PPP1R9A: variants seen among roughly 807,000 people sequenced by gnomAD.
The protein encoded by PPP1R9A is protein phosphatase 1 regulatory subunit 9A, also known as neurabin-1.
Under a neutral mutation model 141.9 loss-of-function variants are expected in PPP1R9A, and 59 were observed. That is an observed-to-expected ratio of 0.42 (90% CI 0.34 to 0.52). The LOEUF (loss-of-function observed/expected upper bound fraction) is 0.52. Among genes scored for constraint, PPP1R9A ranks in the 20% least tolerant of loss-of-function variants. The pLI is 0.10. For synonymous variants in PPP1R9A, 500 were observed against 569.7 expected (o/e 0.88, Z 1.74); for missense variants, 1,444 against 1,611.9 (o/e 0.90, Z 1.78).
intron 4 of PPP1R9A, among the ~76,000 whole-genome samples, chr7:95,137,432 A>G (rs1825868111): frequency 6.6e-6 from 1 of 151,030 alleles, no homozygotes; most frequent in African/African-American, 2.5e-5. Flanking sequence ...AAAAAAAAAA[A>G]AAAAAAGATG....
At chr7:95,143,687 G>A (rs1319692925) in intron 4 of PPP1R9A, among the ~76,000 whole-genome samples, 1 of 152,152 alleles carries the variant, frequency 6.6e-6, no homozygotes, top group Non-Finnish European at 1.5e-5. Context: ...TCTTGGCTTA[G>A]TAGGAGGCTA....
intron 2 of PPP1R9A, among the ~76,000 whole-genome samples, chr7:95,019,365 A>G (rs1009144388): frequency 2.0e-5 from 3 of 152,366 alleles, no homozygotes; most frequent in African/African-American, 7.2e-5. Context: ...CCTGGGCGAT[A>G]GAGCGAGACT....
chr7:95,135,530 A>T (rs1419226390), intron 4 of PPP1R9A, among the ~76,000 whole-genome samples: 1 of 152,232 alleles, frequency 6.6e-6, no homozygotes, highest in East Asian at 1.9e-4. Context: ...TTTGCCCATT[A>T]AGGCAATTAT....
intron 5 of PPP1R9A, among the ~76,000 whole-genome samples, chr7:95,171,993 G>A (rs1832183703): frequency 6.6e-6 from 1 of 151,640 alleles, no homozygotes; most frequent in South Asian, 2.1e-4. Context: ...ATCAACCCAT[G>A]GAATTTTTCT....
intron 8 of PPP1R9A, among the ~76,000 whole-genome samples, chr7:95,228,030 A>G (rs1205561645): frequency 6.6e-6 from 1 of 152,194 alleles, no homozygotes; most frequent in African/African-American, 2.4e-5. Context: ...ATACATGTCC[A>G]AATATTATAT....
At chr7:95,143,598 C>T (rs180816691) in intron 4 of PPP1R9A, among the ~76,000 whole-genome samples, 18 of 152,150 alleles carry the variant, frequency 1.2e-4, no homozygotes, top group African/African-American at 3.9e-4. Flanking sequence ...TTTACCCTAC[C>T]GAGTCAGTAG....
At chr7:94,916,703 TTC>T (rs1464803843) in intron 2 of PPP1R9A, among the ~76,000 whole-genome samples, 5 of 152,140 alleles carry the variant, frequency 3.3e-5, no homozygotes, top group African/African-American at 1.2e-4. Flanking sequence ...GAAATTTCAT[TTC>T]TTTCATTCTT....
chr7:94,987,029 C>T (rs572041454), intron 2 of PPP1R9A, among the ~76,000 whole-genome samples: 3 of 152,154 alleles, frequency 2.0e-5, no homozygotes, highest in Non-Finnish European at 4.4e-5. Flanking sequence ...TAATTGATAA[C>T]ATGAACTATC....
At chr7:94,907,937 G>A (rs1171977869) in intron 1 of PPP1R9A, 6 of 147,746 alleles carry the variant, frequency 4.1e-5, no homozygotes, top group Non-Finnish European at 9.0e-5. Flanking sequence ...CCGCGGGCAG[G>A]GAGCGCCTGG....
intron 4 of PPP1R9A, among the ~76,000 whole-genome samples, chr7:95,134,811 T>A (rs554532439): frequency 2.0e-5 from 3 of 152,238 alleles, no homozygotes; most frequent in Non-Finnish European, 4.4e-5. Context: ...ATTTTTTTTC[T>A]TGGCAAATTT....
chr7:95,130,710 C>T (rs1475829608), intron 4 of PPP1R9A, among the ~76,000 whole-genome samples: 1 of 152,196 alleles, frequency 6.6e-6, no homozygotes, highest in East Asian at 1.9e-4. Flanking sequence ...CCCAAAACCA[C>T]AGGAACCCAC....
chr7:95,160,027 T>A (rs1830236085), intron 4 of PPP1R9A, among the ~76,000 whole-genome samples: 1 of 151,708 alleles, frequency 6.6e-6, no homozygotes, highest in Admixed American at 6.6e-5. Context: ...TGAAAGTTTA[T>A]TATCTGTTTG....
chr7:95,203,224 G>GT (rs1335748713), intron 6 of PPP1R9A, among the ~76,000 whole-genome samples: 1 of 151,870 alleles, frequency 6.6e-6, no homozygotes, highest in Admixed American at 6.6e-5. Context: ...CATGGGTATG[G>GT]TTTTTTATTG....
At chr7:95,030,592 G>A (rs1193442460) in intron 2 of PPP1R9A, among the ~76,000 whole-genome samples, 2 of 152,024 alleles carry the variant, frequency 1.3e-5, no homozygotes, top group Non-Finnish European at 2.9e-5. Flanking sequence ...TTTGGACTGA[G>A]TTTTCCTGTC....
intron 2 of PPP1R9A, among the ~76,000 whole-genome samples, chr7:95,079,450 G>A (rs1815421730): frequency 6.6e-6 from 1 of 151,920 alleles, no homozygotes; most frequent in Non-Finnish European, 1.5e-5. Flanking sequence ...ATAATCAATA[G>A]CTTACCAACC....
chr7:94,971,497 ACT>A (rs1798855843), intron 2 of PPP1R9A, among the ~76,000 whole-genome samples: 1 of 152,054 alleles, frequency 6.6e-6, no homozygotes. Context: ...GTGTAAAATA[ACT>A]CTTAACTCTT....
At position 95,258,737 on chromosome 7, in the gene PPP1R9A, A is replaced by G. The variant is rs183455493; in HGVS notation, c.2665+6607A>G. 2.9e-3 allele frequency among the ~76,000 whole-genome samples: 443 copies of G among 152,352 alleles called. 2 individuals carry two copies. The highest frequency in any genetic ancestry group is 9.9e-3 in the African/African-American group (412 of 41,590). On this transcript the variant is annotated intron_variant, in intron 12 of 19. Coordinates refer to ENST00000433360, the MANE Select transcript of PPP1R9A (RefSeq NM_001166160.2). ...AGTTCACAAAAGCAGGAACCTAAAC[A>G]TTAGTAAACATAGACATTCAACTTC... is the stretch of plus-strand genomic sequence containing the variant.
At chr7:95,259,203 G>A (rs1466342214) in intron 12 of PPP1R9A, among the ~76,000 whole-genome samples, 1 of 151,782 alleles carries the variant, frequency 6.6e-6, no homozygotes, top group African/African-American at 2.4e-5. Context: ...AGAAAATACA[G>A]GGGTTACAAC....
intron 2 of PPP1R9A, among the ~76,000 whole-genome samples, chr7:94,953,821 CTT>C (rs1449620345): frequency 2.6e-5 from 4 of 152,084 alleles, no homozygotes; most frequent in Admixed American, 1.3e-4. Context: ...TATCCTGAGA[CTT>C]TGCTGAAGTT....
Sources: gnomAD v4.1 joint callset for allele counts (sites outside exome capture counted in the v4.1 genomes callset) on GRCh38, gnomAD v4.1.1 for gene constraint, MANE v1.5 for transcripts, NCBI Gene and HGNC (gene_info 2026-07-23, HGNC 2026-07-21) for gene names.